The following BNC2 variants were observed in gnomAD, a reference collection of about 807,000 sequenced individuals.
BNC2 encodes zinc finger protein basonuclin-2.
A neutral mutation model predicts 76.3 loss-of-function variants in BNC2; 20 were observed. The observed-to-expected ratio is 0.26, with a 90% CI of 0.18 to 0.38. The LOEUF is 0.38. Among genes scored for constraint, BNC2 ranks in the 10% least tolerant of loss-of-function variants. BNC2 has a pLI of 1.00. For missense variants in BNC2, 1,382 were observed against 1,399.8 expected, an observed-to-expected ratio of 0.99 and a Z score of 0.20; for synonymous variants, 582 against 514.8, an observed-to-expected ratio of 1.13 and a Z score of -1.77.
chr9:16,552,197 C>T (rs531638265), intron 5 of BNC2, among the ~76,000 whole-genome samples: 2 of 152,148 alleles, frequency 1.3e-5, no homozygotes, highest in African/African-American at 4.8e-5. Flanking sequence ...ACACCCATTA[C>T]CCGCCTCAAA....
intron 5 of BNC2, among the ~76,000 whole-genome samples, chr9:16,532,075 C>A (rs1251007026): frequency 6.6e-6 from 1 of 151,066 alleles, no homozygotes. Flanking sequence ...CTACTACTTT[C>A]TGTTAACACA....
intron 1 of BNC2, among the ~76,000 whole-genome samples, chr9:16,811,381 T>C (rs1440596184): frequency 1.3e-5 from 2 of 150,514 alleles, no homozygotes; most frequent in Non-Finnish European, 3.0e-5. Flanking sequence ...TGAAACCCCA[T>C]CTCTACTAAA....
At chr9:16,497,067 G>A (rs971694612) in intron 5 of BNC2, among the ~76,000 whole-genome samples, 3 of 152,250 alleles carry the variant, frequency 2.0e-5, no homozygotes, top group Non-Finnish European at 4.4e-5. Flanking sequence ...GCAGAGTCAG[G>A]CATTGCCTGG....
intron 3 of BNC2, among the ~76,000 whole-genome samples, chr9:16,705,687 CT>C (rs1189296234): frequency 1.3e-5 from 2 of 151,212 alleles, no homozygotes; most frequent in Non-Finnish European, 2.9e-5. Flanking sequence ...TTGTTTTGGA[CT>C]TTTTAAAAAA....
intron 1 of BNC2, among the ~76,000 whole-genome samples, chr9:16,743,203 A>T (rs1044510225): frequency 2.0e-5 from 3 of 151,984 alleles, no homozygotes. Context: ...CTTGCATTTG[A>T]CATCTCCAAA....
chr9:16,535,875 C>T (rs1205974263), intron 5 of BNC2, among the ~76,000 whole-genome samples: 4 of 152,114 alleles, frequency 2.6e-5, no homozygotes, highest in Non-Finnish European at 4.4e-5. Flanking sequence ...TCCTGCTGCC[C>T]TTAAGAACCC....
chr9:16,459,707 C>T (rs1382834812), intron 5 of BNC2, among the ~76,000 whole-genome samples: 2 of 152,130 alleles, frequency 1.3e-5, no homozygotes, highest in African/African-American at 4.8e-5. Context: ...GTTTTTAGAT[C>T]CCACATTGGA....
At chr9:16,868,972 G>A (rs1355516927) in intron 1 of BNC2, among the ~76,000 whole-genome samples, 2 of 152,212 alleles carry the variant, frequency 1.3e-5, no homozygotes, top group African/African-American at 4.8e-5. Context: ...ATACAAAGCA[G>A]TGGAAGGCAG....
intron 1 of BNC2, among the ~76,000 whole-genome samples, chr9:16,808,365 T>C (rs965798832): frequency 9.2e-5 from 14 of 151,692 alleles, no homozygotes; most frequent in African/African-American, 3.4e-4. Flanking sequence ...ATTAGAAGGA[T>C]CCCTCAAATT....
At chr9:16,633,242 G>A (rs1299040193) in intron 3 of BNC2, among the ~76,000 whole-genome samples, 6 of 151,786 alleles carry the variant, frequency 4.0e-5, no homozygotes, top group East Asian at 4.1e-4. Context: ...ACTGAAATAC[G>A]ATGGCCCTGT....
intron 3 of BNC2, among the ~76,000 whole-genome samples, chr9:16,659,339 C>T (rs980648983): frequency 2.0e-5 from 3 of 152,138 alleles, no homozygotes; most frequent in African/African-American, 7.2e-5. Flanking sequence ...GCGGCGGGCA[C>T]AGTGGCTCAC....
chr9:16,730,886 G>A (rs2135029653), intron 2 of BNC2, among the ~76,000 whole-genome samples: 1 of 152,268 alleles, frequency 6.6e-6, no homozygotes, highest in South Asian at 2.1e-4. Flanking sequence ...GACAAGCTCT[G>A]TTACAAAAAG....
chr9:16,666,316 T>C (rs1293416431), intron 3 of BNC2, among the ~76,000 whole-genome samples: 3 of 152,220 alleles, frequency 2.0e-5, no homozygotes, highest in African/African-American at 7.2e-5. Flanking sequence ...ATGTTGGCAT[T>C]CCCTTGATCT....
At chr9:16,798,111 G>A (rs114498166) in intron 1 of BNC2, among the ~76,000 whole-genome samples, 1 of 152,182 alleles carries the variant, frequency 6.6e-6, no homozygotes, top group Admixed American at 6.5e-5. Context: ...AAAGTTGGTT[G>A]TTACTAGCTT....
At chr9:16,730,800 T>C (rs1824484058) in intron 2 of BNC2, among the ~76,000 whole-genome samples, 1 of 152,210 alleles carries the variant, frequency 6.6e-6, no homozygotes, top group South Asian at 2.1e-4. Flanking sequence ...TTTTCATAAA[T>C]ATACAGTACT....
chr9:16,510,993 C>G (rs998867616), intron 5 of BNC2, among the ~76,000 whole-genome samples: 49 of 152,062 alleles, frequency 3.2e-4, no homozygotes, highest in African/African-American at 1.1e-3. Flanking sequence ...AGGAAACACA[C>G]ATTTGTTCCA....
chr9:16,419,097 C>T lies in BNC2; in HGVS notation c.3192G>A (p.Lys1064=), dbSNP rs1281580311. The T allele has an allele frequency of 6.2e-7, 1 of 1,614,212 alleles. No homozygotes were observed. The highest frequency in any genetic ancestry group is 1.7e-5 in the Admixed American group (1 of 60,034). Residue 1064 remains lysine, a synonymous_variant, in exon 7 of 7, where the codon AAG becomes AAA. Coordinates refer to ENST00000380672, the MANE Select transcript of BNC2 (RefSeq NM_017637.6). The part of the protein sequence containing the change: ...YKTVHLREMH[K]CKVPGCNMMF... ...TCATATTGCAACCTGGGACTTTGCACTTGTGCATTTCTCTCAAATGCACAG... is the reference window on the plus strand; with the variant it reads ...TCATATTGCAACCTGGGACTTTGCATTTGTGCATTTCTCTCAAATGCACAG...
intron 1 of BNC2, among the ~76,000 whole-genome samples, chr9:16,757,440 C>A (rs979382343): frequency 2.0e-5 from 3 of 152,260 alleles, no homozygotes; most frequent in Non-Finnish European, 2.9e-5. Flanking sequence ...TGCCCTGGCG[C>A]TTGAGTCCAA....
At chr9:16,845,715 C>T (rs985906980) in intron 1 of BNC2, among the ~76,000 whole-genome samples, 2 of 151,908 alleles carry the variant, frequency 1.3e-5, no homozygotes, top group African/African-American at 2.4e-5. Flanking sequence ...AGCAAGACTC[C>T]GTCTCAAAAT....
Sources: allele counts gnomAD v4.1 joint callset (sites outside exome capture counted in the v4.1 genomes callset), GRCh38; gene constraint gnomAD v4.1.1; transcripts MANE v1.5; gene names NCBI Gene and HGNC (gene_info 2026-07-23, HGNC 2026-07-21).